Variants in TTC28 observed in about 807,000 individuals in gnomAD.
TTC28 encodes the protein tetratricopeptide repeat domain 28.
TTC28 carries 61 observed loss-of-function variants against 198.0 expected under a neutral mutation model. The observed-to-expected ratio is 0.31, with a 90% CI of 0.25 to 0.38. TTC28 has a LOEUF of 0.38. Among genes scored for constraint, TTC28 ranks in the 10% least tolerant of loss-of-function variants. TTC28 has a pLI of 1.00. For synonymous variants in TTC28, 1,171 were observed against 1,297.8 expected (o/e 0.90, Z 2.10); for missense variants, 2,678 against 3,164.0 (o/e 0.85, Z 3.69).
intron 5 of TTC28, among the ~76,000 whole-genome samples, chr22:28,234,128 G>A (rs560368628): frequency 1.1e-4 from 16 of 152,072 alleles, no homozygotes; most frequent in Middle Eastern, 3.4e-3. Context: ...GGATGGTCTC[G>A]ATCTCCTGAC....
chr22:28,066,851 T>C (rs1480221613), intron 12 of TTC28, among the ~76,000 whole-genome samples: 1 of 152,176 alleles, frequency 6.6e-6, no homozygotes, highest in Non-Finnish European at 1.5e-5. Flanking sequence ...AGTGGTGTGC[T>C]TGATATTCTT....
intron 2 of TTC28, among the ~76,000 whole-genome samples, chr22:28,525,272 C>A (rs766543041): frequency 6.6e-6 from 1 of 152,116 alleles, no homozygotes. Context: ...CCCACCTCAG[C>A]CTCTCGAGTA....
chr22:28,554,073 C>T (rs868561569), intron 2 of TTC28, among the ~76,000 whole-genome samples: 2 of 152,128 alleles, frequency 1.3e-5, no homozygotes, highest in East Asian at 3.9e-4. Flanking sequence ...TGTGACCTTA[C>T]CCCCAACCCT....
chr22:28,618,852 T>G (rs1308409979), intron 2 of TTC28, among the ~76,000 whole-genome samples: 3 of 152,078 alleles, frequency 2.0e-5, no homozygotes, highest in Non-Finnish European at 4.4e-5. Context: ...GTTTTTGAAT[T>G]GAAATAAAGA....
At chr22:28,537,239 G>A (rs2049299641) in intron 2 of TTC28, among the ~76,000 whole-genome samples, 1 of 148,132 alleles carries the variant, frequency 6.8e-6, no homozygotes, top group Non-Finnish European at 1.5e-5. Flanking sequence ...CTTGCAGTGA[G>A]TCGAGATTGC....
At chr22:28,322,497 T>G (rs1441374413) in intron 2 of TTC28, among the ~76,000 whole-genome samples, 1 of 152,158 alleles carries the variant, frequency 6.6e-6, no homozygotes, top group Non-Finnish European at 1.5e-5. Context: ...TGTGCCTAAT[T>G]TTTGTCACTC....
intron 2 of TTC28, among the ~76,000 whole-genome samples, chr22:28,420,844 G>A (rs964860481): frequency 9.2e-5 from 14 of 152,134 alleles, no homozygotes; most frequent in South Asian, 2.1e-4. Flanking sequence ...CAGGTGATCC[G>A]CCTGCCTTGG....
At chr22:28,558,689 AG>A (rs2049823257) in intron 2 of TTC28, among the ~76,000 whole-genome samples, 1 of 151,386 alleles carries the variant, frequency 6.6e-6, no homozygotes. Flanking sequence ...AAAATAAAAA[AG>A]AAAAAAAGAT....
chr22:28,201,708 G>A (rs1405895175), intron 5 of TTC28, among the ~76,000 whole-genome samples: 1 of 146,956 alleles, frequency 6.8e-6, no homozygotes, highest in Non-Finnish European at 1.5e-5. Context: ...GGAAAAAAGA[G>A]TGTGGTCTAA....
At chr22:28,325,438 AT>A (rs2045513548) in intron 2 of TTC28, among the ~76,000 whole-genome samples, 1 of 152,100 alleles carries the variant, frequency 6.6e-6, no homozygotes, top group South Asian at 2.1e-4. Context: ...CTAAATGAAA[AT>A]TTTTAAAAAT....
At chr22:28,647,060 G>C (rs1188913404) in intron 1 of TTC28, among the ~76,000 whole-genome samples, 3 of 152,094 alleles carry the variant, frequency 2.0e-5, no homozygotes, top group Non-Finnish European at 2.9e-5. Context: ...ACACAATATA[G>C]AACCCAGAAA....
chr22:28,220,503 A>T (rs1204361593), intron 5 of TTC28, among the ~76,000 whole-genome samples: 1 of 152,132 alleles, frequency 6.6e-6, no homozygotes, highest in Non-Finnish European at 1.5e-5. Context: ...GCAATTGTAG[A>T]ACTGAGAGCT....
intron 5 of TTC28, among the ~76,000 whole-genome samples, chr22:28,291,108 T>C (rs138783234): frequency 9.3e-4 from 141 of 152,136 alleles, no homozygotes; most frequent in Middle Eastern, 3.4e-3. Context: ...GTAAATTCAA[T>C]ATAATTCCAA....
At chr22:28,510,118 C>T (rs1165963173) in intron 2 of TTC28, among the ~76,000 whole-genome samples, 1 of 152,162 alleles carries the variant, frequency 6.6e-6, no homozygotes, top group East Asian at 1.9e-4. Flanking sequence ...AGACCTGGTG[C>T]TATTTCTACT....
At chr22:28,101,376 T>C in intron 8 of TTC28, 96 bp from the exon 9 acceptor site, 1 of 1,101,184 alleles carries the variant, frequency 9.1e-7, no homozygotes, top group South Asian at 1.5e-5. Flanking sequence ...TGTGTTTTTG[T>C]TTGTTTTGAG....
intron 5 of TTC28, among the ~76,000 whole-genome samples, chr22:28,289,056 G>C (rs1017410377): frequency 6.6e-6 from 1 of 152,124 alleles, no homozygotes; most frequent in Non-Finnish European, 1.5e-5. Flanking sequence ...CTTAGAGGAG[G>C]GTACTGCAAC....
rs573623887 is a variant in TTC28 at position 28,428,447 on chromosome 22, A to G, written c.382-121804T>C. 1.8e-4 allele frequency among the ~76,000 whole-genome samples: 27 copies of G among 151,988 alleles called. No individual in the cohort carries two copies. In the South Asian group the frequency reaches 4.0e-3, roughly 22 times the overall value. ...TCCTCCTCCTTTCTCCTGCTTTTCA[A>G]TGTTTCCATAGCACCCTATCTGTGG... On this transcript the variant is annotated intron_variant, in intron 2 of 22. Coordinates refer to ENST00000397906, the MANE Select transcript of TTC28 (RefSeq NM_001145418.2).
In TTC28 at chr22:28,124,198, GT is replaced by G. The variant is rs1555919224; in HGVS notation, c.1442-15796del. Among the ~76,000 whole-genome samples, 25 of 138,266 alleles carry G rather than the reference GT, an allele frequency of 1.8e-4. No individual in the cohort carries two copies. In the East Asian group the frequency reaches 2.3e-3, roughly 13 times the overall value. The allele number at this position is 138,266 out of a possible 152,430, so 90.7% of individuals were successfully genotyped here. ...TGTTGTTGTTGTTGTTGTTGTTGTTGTTTGTTTTTTGTTTTTTTCCTGTTTG... is the reference window on the plus strand; with the variant it reads ...TGTTGTTGTTGTTGTTGTTGTTGTTGTTGTTTTTTGTTTTTTTCCTGTTTG... On this transcript the variant is annotated intron_variant, in intron 6 of 22. Coordinates refer to ENST00000397906, the MANE Select transcript of TTC28 (RefSeq NM_001145418.2).
At chr22:28,060,998 G>A (rs969654295) in intron 12 of TTC28, among the ~76,000 whole-genome samples, 1 of 152,174 alleles carries the variant, frequency 6.6e-6, no homozygotes, top group Non-Finnish European at 1.5e-5. Flanking sequence ...TCATGTGTCT[G>A]TTGGCTGCAT....
Sources: gnomAD v4.1 joint callset for allele counts (sites outside exome capture counted in the v4.1 genomes callset) on GRCh38, gnomAD v4.1.1 for gene constraint, MANE v1.5 for transcripts, NCBI Gene and HGNC (gene_info 2026-07-23, HGNC 2026-07-21) for gene names.